Variants in RIMBP2 observed in about 807,000 individuals in gnomAD.
RIMBP2 encodes RIMS-binding protein 2.
A neutral mutation model predicts 118.6 loss-of-function variants in RIMBP2; 48 were observed. That is an observed-to-expected ratio of 0.40 (90% CI 0.32 to 0.51). The LOEUF (loss-of-function observed/expected upper bound fraction) is 0.51, where lower values mean the gene tolerates loss of function less well. Ranked by LOEUF, RIMBP2 falls within the 20% of genes least tolerant of loss-of-function variation. RIMBP2 has a pLI of 0.41. For synonymous variants in RIMBP2, 762 were observed against 742.9 expected, an observed-to-expected ratio of 1.03 and a Z score of -0.42; for missense variants, 1,551 against 1,768.3, an observed-to-expected ratio of 0.88 and a Z score of 2.20.
At chr12:130,416,204 T>C (rs536088590) in intron 17 of RIMBP2, among the ~76,000 whole-genome samples, 2 of 152,306 alleles carry the variant, frequency 1.3e-5, no homozygotes, top group South Asian at 2.1e-4. Flanking sequence ...TGTCATTTTA[T>C]ATAGAATTAG....
chr12:130,557,954 T>C (rs2056506682), intron 2 of RIMBP2, among the ~76,000 whole-genome samples: 1 of 152,086 alleles, frequency 6.6e-6, no homozygotes, highest in Non-Finnish European at 1.5e-5. Flanking sequence ...GTTCCTCACC[T>C]GAAAAGTCGG....
chr12:130,518,928 G>A (rs779390482), intron 2 of RIMBP2, among the ~76,000 whole-genome samples: 1 of 152,152 alleles, frequency 6.6e-6, no homozygotes, highest in Admixed American at 6.5e-5. Flanking sequence ...AACCTGAAAA[G>A]GACTTCAATA....
rs372293708 is a variant in RIMBP2, at chr12:130,604,677, G to A, written c.-217+23645C>T. Among the ~76,000 whole-genome samples, 61 of 50,414 alleles carry A rather than the reference G, an allele frequency of 1.2e-3. 19 individuals are homozygous for A. Among genetic ancestry groups the A allele is most frequent in the African/African-American group, 4.0e-3 (57 of 14,078 alleles). The allele number at this position is 50,414 out of a possible 152,430, so 33.1% of individuals were successfully genotyped here. ...CGGCTCACTGCAAGCTTTGCCTCCC[G>A]GGTTCACGCCATTCTCCTGCCTCAG... On this transcript the variant is annotated intron_variant, in intron 2 of 22. Coordinates refer to ENST00000690449, the MANE Select transcript of RIMBP2 (RefSeq NM_001393629.1).
Position 130,446,020 on chromosome 12 carries a change from C to G in RIMBP2, c.582-751G>C, listed in dbSNP as rs980607307. Among the ~76,000 whole-genome samples the G allele has an allele frequency of 2.2e-4, 1 of 4,488 alleles. No homozygotes were observed. The highest frequency in any genetic ancestry group is 3.4e-3 in the Non-Finnish European group (1 of 298). 2.9% of individuals were successfully genotyped at this position (4,488 alleles called of 152,430 possible). On this transcript the variant is annotated intron_variant, in intron 9 of 22. Coordinates refer to ENST00000690449, the MANE Select transcript of RIMBP2 (RefSeq NM_001393629.1). The surrounding 1 kb of genome is among the most constrained non-coding windows in gnomAD (Gnocchi z 4.1). The stretch of plus-strand genomic sequence containing the variant: ...AAAAACAGACGCATGATTTTATGCT[C>G]CCCCCCCCCACACCCCCAGGAATAT...
chr12:130,479,649 C>G (rs1005087706), intron 4 of RIMBP2, among the ~76,000 whole-genome samples: 9 of 149,604 alleles, frequency 6.0e-5, no homozygotes, highest in Non-Finnish European at 8.8e-5. Flanking sequence ...GCTTCCCGAC[C>G]TCGGGCTCTG....
intron 3 of RIMBP2, among the ~76,000 whole-genome samples, chr12:130,510,351 G>A (rs958404718): frequency 2.0e-5 from 3 of 152,220 alleles, no homozygotes; most frequent in Admixed American, 6.5e-5. Flanking sequence ...TTGGGGGAAC[G>A]AATGGGTGTG....
intron 2 of RIMBP2, among the ~76,000 whole-genome samples, chr12:130,550,383 T>C (rs548149575): frequency 1.3e-5 from 2 of 152,296 alleles, no homozygotes; most frequent in South Asian, 4.1e-4. Flanking sequence ...ACATTTTTAT[T>C]TGAATGGTAA....
At chr12:130,669,290 GC>G (rs1386861079) in intron 1 of RIMBP2, 2 of 152,180 alleles carry the variant, frequency 1.3e-5, no homozygotes, top group African/African-American at 4.8e-5. Flanking sequence ...TAATAAATAG[GC>G]TAAAAACTGG....
At chr12:130,518,974 C>T (rs771645224) in intron 2 of RIMBP2, among the ~76,000 whole-genome samples, 2 of 152,222 alleles carry the variant, frequency 1.3e-5, no homozygotes, top group Admixed American at 1.3e-4. Flanking sequence ...GGCATCCATT[C>T]CAAAAGGAAG....
rs2064890583 is a variant in RIMBP2 at position 130,683,355 on chromosome 12, C to A, written c.-352+32867G>T. Among the ~76,000 whole-genome samples the A allele has an allele frequency of 6.6e-6, 1 of 152,248 alleles. No homozygotes were observed. Among genetic ancestry groups the A allele is most frequent in the Admixed American group, 6.5e-5 (1 of 15,292 alleles). Reference sequence around the variant, plus strand: ...GGGGGAAGGCAGCTCTGCGGACACCCTGACCTCAGGCTTCCAGCCTCCAGA... The same window carrying A: ...GGGGGAAGGCAGCTCTGCGGACACCATGACCTCAGGCTTCCAGCCTCCAGA... On this transcript the variant is annotated intron_variant, in intron 1 of 22. Coordinates refer to ENST00000690449, the MANE Select transcript of RIMBP2 (RefSeq NM_001393629.1). This position sits in a 1 kb window ranked among gnomAD's most constrained non-coding sequence, Gnocchi z 4.4.
intron 14 of RIMBP2, chr12:130,430,332 C>G (rs1877990): frequency 0.52 from 79,544 of 152,068 alleles, 23,126 homozygotes; most frequent in Non-Finnish European, 0.68. Flanking sequence ...AGGGGAGGTG[C>G]TGAGCCCCGC....
At chr12:130,535,025 C>G (rs2053863843) in intron 2 of RIMBP2, among the ~76,000 whole-genome samples, 1 of 152,204 alleles carries the variant, frequency 6.6e-6, no homozygotes, top group Admixed American at 6.5e-5. Context: ...GAAAGCCTGT[C>G]TGAAGCCCAC....
chr12:130,506,807 CA>C, intron 3 of RIMBP2, 37 bp from the exon 4 acceptor site: 1 of 985,598 alleles, frequency 1.0e-6, no homozygotes, highest in Non-Finnish European at 1.2e-6. Flanking sequence ...GAGGTTATCA[CA>C]ACATGCCTAA....
intron 1 of RIMBP2, among the ~76,000 whole-genome samples, chr12:130,702,102 A>G (rs2065882525): frequency 6.6e-6 from 1 of 152,070 alleles, no homozygotes; most frequent in African/African-American, 2.4e-5. Context: ...ACTAAACAAC[A>G]AGGGTCCCAG....
rs1171293233 is a variant in RIMBP2 at position 130,664,407 on chromosome 12, G to GCACACGCACGCACA, written c.-351-35952_-351-35951insTGTGCGTGCGTGTG. 8.6e-3 allele frequency among the ~76,000 whole-genome samples: 744 copies of GCACACGCACGCACA among 86,116 alleles called. 27 individuals are homozygous for GCACACGCACGCACA. The highest frequency in any genetic ancestry group is 0.028 in the African/African-American group (693 of 25,174). 56.5% of individuals were successfully genotyped at this position (86,116 alleles called of 152,430 possible). ...CGCGCATGCACACACACGCACGCACGCACGCACACACACGCACACACATGC... is the reference window on the plus strand; with the variant it reads ...CGCGCATGCACACACACGCACGCACGCACACGCACGCACACACGCACACACACGCACACACATGC... On this transcript the variant is annotated intron_variant, in intron 1 of 22. Coordinates refer to ENST00000690449, the MANE Select transcript of RIMBP2 (RefSeq NM_001393629.1).
At chr12:130,659,760 G>A (rs2063574426) in intron 1 of RIMBP2, among the ~76,000 whole-genome samples, 1 of 151,930 alleles carries the variant, frequency 6.6e-6, no homozygotes, top group Non-Finnish European at 1.5e-5. Context: ...ATCATCTGAG[G>A]TCAGGAGTTA....
intron 11 of RIMBP2, among the ~76,000 whole-genome samples, chr12:130,439,439 G>A (rs993245390): frequency 1.5e-4 from 21 of 143,714 alleles, no homozygotes; most frequent in African/African-American, 5.2e-4. Context: ...GTATGTGGGT[G>A]TGTGGGTGTG....
In RIMBP2 at chr12:130,710,086, G is replaced by A. The variant is rs1400120922; in HGVS notation, c.-352+6136C>T. ...GTGGACACCGAGGGTCTCCAGGAGA[G>A]GGGTTGGCTCTGCAGCCCCTGTGGT... On this transcript the variant is annotated intron_variant, in intron 1 of 22. Transcript: ENST00000690449. This position sits in a 1 kb window ranked among gnomAD's most constrained non-coding sequence, Gnocchi z 4.3. Among the ~76,000 whole-genome samples, 1 of 152,176 alleles carries A rather than the reference G, an allele frequency of 6.6e-6. No homozygotes were observed. Among genetic ancestry groups the A allele is most frequent in the Non-Finnish European group, 1.5e-5 (1 of 68,026 alleles).
In RIMBP2 at chr12:130,412,743, G is replaced by C; in HGVS notation, c.3465C>G (p.Thr1155=). ...AAGGAATAAGGCCAAGCCGGGCACA[G>C]GTTTCCCCACGGTAGAATCCATCAG... ...KDADGFYRGE[T]CARLGLIPCN... The change falls in exon 19 of 23, where the codon ACC becomes ACG. Residue 1155 remains threonine (T), a synonymous_variant. Coordinates refer to ENST00000690449, the MANE Select transcript of RIMBP2 (RefSeq NM_001393629.1). The C allele has an allele frequency of 6.2e-7, 1 of 1,613,926 alleles. No homozygotes were observed. The highest frequency in any genetic ancestry group is 8.5e-7 in the Non-Finnish European group (1 of 1,179,974).
Sources: allele counts gnomAD v4.1 joint callset (sites outside exome capture counted in the v4.1 genomes callset), GRCh38; gene constraint gnomAD v4.1.1; non-coding constraint Gnocchi (gnomAD v3.1); transcripts MANE v1.5; gene names NCBI Gene and HGNC (gene_info 2026-07-23, HGNC 2026-07-21).